The following FAM200C variants were observed in gnomAD, a reference collection of about 807,000 sequenced individuals.
At chr5:160,397,890 T>C in the FAM200C span, among the ~76,000 whole-genome samples, 2 of 152,386 alleles carry the variant, frequency 1.3e-5, no homozygotes. Context: ...ATATTTATCA[T>C]GTAATATTTG....
the FAM200C span, chr5:160,394,234 A>T: frequency 6.2e-7 from 1 of 1,612,444 alleles, no homozygotes. Context: ...TTCTTTTCTC[A>T]ATTCGTTTTT....
At chr5:160,395,686 T>C in the FAM200C span, 31 of 602,222 alleles carry the variant, frequency 5.1e-5, no homozygotes, top group East Asian at 8.3e-4. Flanking sequence ...ATAGTTCAAC[T>C]TAAAGCTAGC....
chr5:160,395,346 C>T, the FAM200C span: 1 of 1,614,180 alleles, frequency 6.2e-7, no homozygotes, highest in South Asian at 1.1e-5. Context: ...TTAAAATGGT[C>T]TGACAGTTTT....
chr5:160,394,228 T>C, the FAM200C span: 3 of 1,612,176 alleles, frequency 1.9e-6, no homozygotes, highest in Non-Finnish European at 2.5e-6. Context: ...TAAAATTTCT[T>C]TTCTCAATTC....
At chr5:160,398,387 T>TA in the FAM200C span, among the ~76,000 whole-genome samples, 48 of 152,236 alleles carry the variant, frequency 3.2e-4, no homozygotes, top group African/African-American at 1.1e-3. Context: ...TCGTCTCTAC[T>TA]AAAAATACAA....
At chr5:160,394,034 T>C in the FAM200C span, 1 of 1,612,104 alleles carries the variant, frequency 6.2e-7, no homozygotes, top group East Asian at 2.2e-5. Context: ...ATAACTATCA[T>C]CAACAAAATC....
the FAM200C span, among the ~76,000 whole-genome samples, chr5:160,396,208 T>C: frequency 2.0e-5 from 3 of 152,016 alleles, no homozygotes; most frequent in Non-Finnish European, 4.4e-5. Context: ...CGTCCATGTG[T>C]ACACATTATT....
At chr5:160,397,881 T>C in the FAM200C span, among the ~76,000 whole-genome samples, 1 of 152,266 alleles carries the variant, frequency 6.6e-6, no homozygotes, top group African/African-American at 2.4e-5. Context: ...TATTAATGTA[T>C]ATTTATCATG....
the FAM200C span, chr5:160,397,353 T>C: frequency 2.0e-5 from 3 of 152,204 alleles, no homozygotes; most frequent in Non-Finnish European, 4.4e-5. Context: ...CCTATGAAAG[T>C]TGAAACCTAA....
At chr5:160,393,915 T>C in the FAM200C span, 1 of 1,614,008 alleles carries the variant, frequency 6.2e-7, no homozygotes, top group African/African-American at 1.3e-5. Flanking sequence ...TTTGCCAGGT[T>C]TGGAAATGCT....
At chr5:160,397,259 A>C in the FAM200C span, among the ~76,000 whole-genome samples, 35 of 152,320 alleles carry the variant, frequency 2.3e-4, no homozygotes, top group Non-Finnish European at 4.4e-4. Context: ...CTTAGCTAAC[A>C]AATATTCTAG....
chr5:160,395,432 G>A, the FAM200C span: 18 of 1,614,104 alleles, frequency 1.1e-5, no homozygotes, highest in South Asian at 3.3e-5. Flanking sequence ...ATCTACTTCC[G>A]TTGTACAGGT....
the FAM200C span, chr5:160,393,938 C>T: frequency 1.2e-6 from 2 of 1,613,852 alleles, no homozygotes; most frequent in Non-Finnish European, 1.7e-6. Flanking sequence ...GAATTGGGCA[C>T]ACCAGAAATC....
chr5:160,396,622 T>C, the FAM200C span, among the ~76,000 whole-genome samples: 1 of 142,694 alleles, frequency 7.0e-6, no homozygotes, highest in Admixed American at 7.5e-5. Flanking sequence ...CATGGTGGCA[T>C]ACGCCTGTAG....
At chr5:160,393,232 A>G in the FAM200C span, 1 of 154,606 alleles carries the variant, frequency 6.5e-6, no homozygotes, top group Non-Finnish European at 1.4e-5. Flanking sequence ...TCCAAAGAGT[A>G]TATTTAAAAG....
chr5:160,396,147 C>G, the FAM200C span, among the ~76,000 whole-genome samples: 2 of 151,754 alleles, frequency 1.3e-5, no homozygotes, highest in African/African-American at 4.8e-5. Flanking sequence ...TCCCACCCCA[C>G]TCTTCCACCC....
At chr5:160,398,512 T>G in the FAM200C span, among the ~76,000 whole-genome samples, 2 of 152,312 alleles carry the variant, frequency 1.3e-5, no homozygotes, top group South Asian at 2.1e-4. Flanking sequence ...CTCTCCAGAC[T>G]GGGTGACGGA....
the FAM200C span, chr5:160,393,645 T>A: frequency 3.3e-6 from 4 of 1,228,104 alleles, no homozygotes; most frequent in Admixed American, 1.0e-4. Flanking sequence ...AGAGACAGAA[T>A]TACAGCTTAA....
the FAM200C span, chr5:160,393,836 A>C: frequency 1.2e-6 from 2 of 1,613,310 alleles, no homozygotes; most frequent in African/African-American, 2.7e-5. Flanking sequence ...TTTGAAATGT[A>C]AAAGTGATGA....
Sources: allele counts gnomAD v4.1 joint callset (sites outside exome capture counted in the v4.1 genomes callset), GRCh38; gene constraint gnomAD v4.1.1; transcripts MANE v1.5.